Variants in UQCC1 observed in about 807,000 individuals in gnomAD.
UQCC1 encodes the protein bFGF-repressed Zic-binding protein.
In UQCC1, 38 loss-of-function variants were observed where a neutral mutation model predicts 48.0. The observed-to-expected ratio is 0.79, with a 90% CI of 0.61 to 1.04. The LOEUF (loss-of-function observed/expected upper bound fraction) is 1.04, where lower values mean the gene tolerates loss of function less well. Ranked by LOEUF, UQCC1 falls within the 50% of genes least tolerant of loss-of-function variation. The probability of loss-of-function intolerance (pLI) is 0.00; values close to 1 mark genes in which losing one functional copy is unlikely to be tolerated. For missense variants in UQCC1, 368 were observed against 381.8 expected, an observed-to-expected ratio of 0.96 and a Z score of 0.30; for synonymous variants, 111 against 129.2, an observed-to-expected ratio of 0.86 and a Z score of 0.95.
intron 6 of UQCC1, among the ~76,000 whole-genome samples, chr20:35,348,890 A>C (rs2061460263): frequency 6.6e-6 from 1 of 152,202 alleles, no homozygotes; most frequent in Admixed American, 6.6e-5. Context: ...CCTGGGCTCA[A>C]GACTTCCTCC....
At chr20:35,314,797 G>A (rs2061038819) in intron 7 of UQCC1, 32 bp from the exon 8 acceptor site, 1 of 1,548,046 alleles carries the variant, frequency 6.5e-7, no homozygotes, top group East Asian at 2.3e-5. Context: ...ACAAAAGTTT[G>A]AAAGAAAGAA....
At chr20:35,387,434 T>C (rs952046896) in intron 2 of UQCC1, among the ~76,000 whole-genome samples, 2 of 152,158 alleles carry the variant, frequency 1.3e-5, no homozygotes, top group African/African-American at 4.8e-5. Context: ...GCACAGCCCA[T>C]CTTATATGTC....
intron 6 of UQCC1, among the ~76,000 whole-genome samples, chr20:35,357,174 C>T (rs1808109106): frequency 6.6e-6 from 1 of 151,790 alleles, no homozygotes; most frequent in South Asian, 2.1e-4. Flanking sequence ...CACCTGAGCT[C>T]CGGAGTTCGA....
chr20:35,346,933 C>T lies in UQCC1; in HGVS notation c.573+231G>A, dbSNP rs565385000. The stretch of plus-strand genomic sequence containing the variant: ...TGGGCTTTACAATCCCATCTCCATA[C>T]AGGATGACTTCACACTGACAAATCA... On this transcript the variant is annotated intron_variant, in intron 7 of 9. Coordinates refer to ENST00000374385, the MANE Select transcript of UQCC1 (RefSeq NM_018244.5). 7 of 1,453,022 alleles carry T rather than the reference C, an allele frequency of 4.8e-6. No homozygotes were observed. In the South Asian group the frequency reaches 6.9e-5, roughly 14 times the overall value. The allele number at this position is 1,453,022 out of a possible 1,614,324, so 90.0% of individuals were successfully genotyped here.
chr20:35,382,358 C>T (rs2146483876), intron 3 of UQCC1, among the ~76,000 whole-genome samples: 1 of 152,148 alleles, frequency 6.6e-6, no homozygotes, highest in South Asian at 2.1e-4. Context: ...CTAGGCTGGT[C>T]TCAAACTCTT....
Position 35,393,943 on chromosome 20 carries a change from G to A in UQCC1, c.129+149C>T, listed in dbSNP as rs559279780. 4 of 656,002 alleles carry A rather than the reference G, an allele frequency of 6.1e-6. No individual in the cohort carries two copies. The South Asian group carries it at 7.3e-5, about 12-fold the overall frequency. 40.6% of individuals were successfully genotyped at this position (656,002 alleles called of 1,614,324 possible). ...CAACGCCCTAGACACCATACTTTAGGAATCAGTCCTAAGTTGGCACCACAG... is the reference window on the plus strand; with the variant it reads ...CAACGCCCTAGACACCATACTTTAGAAATCAGTCCTAAGTTGGCACCACAG... On this transcript the variant is annotated intron_variant, in intron 2 of 9. Coordinates refer to ENST00000374385, the MANE Select transcript of UQCC1 (RefSeq NM_018244.5).
At chr20:35,310,408 G>T (rs994882131) in intron 8 of UQCC1, among the ~76,000 whole-genome samples, 1 of 152,016 alleles carries the variant, frequency 6.6e-6, no homozygotes, top group African/African-American at 2.4e-5. Context: ...ACTTTGGGAG[G>T]CCGAGGTGGG....
chr20:35,403,802 A>G (rs2062204821), intron 1 of UQCC1, among the ~76,000 whole-genome samples: 1 of 152,214 alleles, frequency 6.6e-6, no homozygotes, highest in Non-Finnish European at 1.5e-5. Flanking sequence ...TCAGCAAACT[A>G]TCACAAGGAC....
At chr20:35,382,518 T>C (rs552054346) in intron 3 of UQCC1, among the ~76,000 whole-genome samples, 2 of 141,776 alleles carry the variant, frequency 1.4e-5, no homozygotes, top group Non-Finnish European at 1.5e-5. Context: ...TTTTCTTTTT[T>C]TTTTTTTTTT....
intron 9 of UQCC1, among the ~76,000 whole-genome samples, chr20:35,304,373 C>G (rs2060905535): frequency 6.6e-6 from 1 of 152,156 alleles, no homozygotes; most frequent in Non-Finnish European, 1.5e-5. Context: ...CACGTCTCCC[C>G]TACACGCCCT....
intron 7 of UQCC1, chr20:35,344,213 T>C (rs1246869398): frequency 6.6e-6 from 1 of 152,268 alleles, no homozygotes; most frequent in Non-Finnish European, 1.5e-5. Flanking sequence ...TTTCTGCTTT[T>C]ATAAAACTTA....
In UQCC1 at chr20:35,303,907, T is replaced by TGGC; in HGVS notation, c.*25_*27dup. ...CTCCTGGAGGTTCCTCGAAGCCAGC[T>TGGC]GGCGGGCCGTGCGGAGGGCCCAGCC... On this transcript the variant is annotated 3_prime_UTR_variant, in exon 10 of 10. Transcript: ENST00000374385. The TGGC allele has an allele frequency of 6.2e-7, 1 of 1,614,074 alleles. No individual in the cohort carries two copies. The highest frequency in any genetic ancestry group is 8.5e-7 in the Non-Finnish European group (1 of 1,179,958).
chr20:35,397,848 A>C (rs1209759732), intron 1 of UQCC1, among the ~76,000 whole-genome samples: 1 of 152,094 alleles, frequency 6.6e-6, no homozygotes, highest in African/African-American at 2.4e-5. Flanking sequence ...AAATTCAGCT[A>C]CTCTAACATT....
intron 7 of UQCC1, among the ~76,000 whole-genome samples, chr20:35,326,555 T>C (rs2146337467): frequency 1.3e-5 from 2 of 152,304 alleles, no homozygotes; most frequent in South Asian, 2.1e-4. Flanking sequence ...CACCAGGGCC[T>C]AGGAGCCTGA....
intron 2 of UQCC1, among the ~76,000 whole-genome samples, chr20:35,393,477 CACACACACACACACAAACACACACAA>C (rs910546069): frequency 7.7e-6 from 1 of 129,308 alleles, no homozygotes; most frequent in African/African-American, 3.0e-5. Flanking sequence ...TATACATACA[CACACACACACACACAAACACACACAA>C]ACACACACAC....
At chr20:35,368,257 T>C (rs1160929243) in intron 5 of UQCC1, among the ~76,000 whole-genome samples, 2 of 152,162 alleles carry the variant, frequency 1.3e-5, no homozygotes, top group African/African-American at 4.8e-5. Flanking sequence ...ACAGCACCAA[T>C]AATAAAGAGC....
At chr20:35,381,774 T>C (rs1453825691) in intron 4 of UQCC1, 144 bp downstream of exon 4, 7 of 625,942 alleles carry the variant, frequency 1.1e-5, no homozygotes, top group Non-Finnish European at 2.0e-5. Flanking sequence ...ATCAATGGGG[T>C]GACAGATGTC....
At chr20:35,326,720 C>G (rs1477750290) in intron 7 of UQCC1, among the ~76,000 whole-genome samples, 1 of 152,186 alleles carries the variant, frequency 6.6e-6, no homozygotes, top group Non-Finnish European at 1.5e-5. Flanking sequence ...GCTAATTGCA[C>G]CCTGAGCCTC....
intron 9 of UQCC1, 44 bp downstream of exon 9, chr20:35,306,622 C>G: frequency 6.8e-7 from 1 of 1,473,144 alleles, no homozygotes; most frequent in Non-Finnish European, 9.5e-7. Context: ...AGAGGAGGAC[C>G]CACTGTTGCC....
Sources: gnomAD v4.1 joint callset for allele counts (sites outside exome capture counted in the v4.1 genomes callset) on GRCh38, gnomAD v4.1.1 for gene constraint, MANE v1.5 for transcripts, NCBI Gene and HGNC (gene_info 2026-07-23, HGNC 2026-07-21) for gene names.